SLC25A24: variants seen among roughly 807,000 people sequenced by gnomAD.
SLC25A24 encodes the protein solute carrier family 25 member 24.
SLC25A24 carries 49 observed loss-of-function variants against 60.7 expected under a neutral mutation model. The ratio of observed to expected loss-of-function variants is 0.81; its 90% CI spans 0.64 to 1.02. The LOEUF is 1.02. Among genes scored for constraint, SLC25A24 ranks in the 50% least tolerant of loss-of-function variants. The pLI is 0.00. For missense variants in SLC25A24, 564 were observed against 586.3 expected, an observed-to-expected ratio of 0.96 and a Z score of 0.39; for synonymous variants, 202 against 200.6, an observed-to-expected ratio of 1.01 and a Z score of -0.06.
chr1:108,156,908 A>G (rs1440842421), intron 5 of SLC25A24, among the ~76,000 whole-genome samples: 1 of 152,204 alleles, frequency 6.6e-6, no homozygotes, highest in East Asian at 1.9e-4. Flanking sequence ...TAAAATACCT[A>G]CTTCACTGGG....
intron 3 of SLC25A24, among the ~76,000 whole-genome samples, chr1:108,172,393 T>G (rs1647494511): frequency 6.6e-6 from 1 of 152,180 alleles, no homozygotes; most frequent in African/African-American, 2.4e-5. Context: ...TGGCTCACAG[T>G]TCTACAGACT....
At chr1:108,140,439 C>A (rs1452940896) in intron 8 of SLC25A24, among the ~76,000 whole-genome samples, 1 of 151,828 alleles carries the variant, frequency 6.6e-6, no homozygotes, top group Non-Finnish European at 1.5e-5. Context: ...CACAAAACCA[C>A]AAAATATGAA....
At chr1:108,154,814 C>A (rs1679850016) in intron 6 of SLC25A24, among the ~76,000 whole-genome samples, 169 bp downstream of exon 6, 1 of 151,966 alleles carries the variant, frequency 6.6e-6, no homozygotes, top group South Asian at 2.1e-4. Context: ...CATGAGAAAT[C>A]TCTGATTTTA....
At chr1:108,192,231 G>A (rs1028160405) in intron 1 of SLC25A24, among the ~76,000 whole-genome samples, 15 of 139,368 alleles carry the variant, frequency 1.1e-4, no homozygotes, top group African/African-American at 3.7e-4. Context: ...TGACTCCTAA[G>A]ACAAGGCTGT....
intron 1 of SLC25A24, among the ~76,000 whole-genome samples, chr1:108,196,742 G>C (rs1648507860): frequency 6.6e-6 from 1 of 152,154 alleles, no homozygotes; most frequent in Non-Finnish European, 1.5e-5. Flanking sequence ...CATGGTGGAA[G>C]GGGCAAGGAA....
chr1:108,136,773 TTC>T lies in SLC25A24; in HGVS notation c.1312_1313del (p.Glu438ArgfsTer28). 1.2e-6 allele frequency: 2 copies of T among 1,614,162 alleles called. No individual in the cohort carries two copies. Among genetic ancestry groups the T allele is most frequent in the South Asian group, 2.2e-5 (2 of 91,088 alleles). ...TGCCTCTGTAAAGTCCTGGTATTCCTTCTTTGGAAATAATTCGTCGAAAGAGG... is the reference window on the plus strand; with the variant it reads ...TGCCTCTGTAAAGTCCTGGTATTCCTTTTGGAAATAATTCGTCGAAAGAGG... ...VGLFRRIISK[E>X]GIPGLYRGIT... On this transcript the variant is annotated frameshift_variant, in exon 10 of 10. Transcript: ENST00000565488. LOFTEE classifies it high-confidence loss of function.
At chr1:108,180,235 C>T (rs568189168) in intron 3 of SLC25A24, among the ~76,000 whole-genome samples, 69 of 151,954 alleles carry the variant, frequency 4.5e-4, no homozygotes, top group African/African-American at 6.8e-4. Flanking sequence ...CGTGGTGGCG[C>T]GTGCCTATAG....
chr1:108,165,969 A>G (rs1377670274), intron 3 of SLC25A24, among the ~76,000 whole-genome samples: 2 of 150,670 alleles, frequency 1.3e-5, no homozygotes, highest in African/African-American at 4.9e-5. Context: ...TCCTTCAGGA[A>G]CTCTTTTAGG....
intron 8 of SLC25A24, among the ~76,000 whole-genome samples, chr1:108,139,900 C>T (rs1431223424): frequency 6.6e-6 from 1 of 152,118 alleles, no homozygotes; most frequent in African/African-American, 2.4e-5. Context: ...GCATGAGCCA[C>T]CACACCAGGC....
chr1:108,192,764 A>G lies in SLC25A24; in HGVS notation c.184-6810T>C. On this transcript the variant is annotated intron_variant, in intron 1 of 9. Coordinates refer to ENST00000565488, the MANE Select transcript of SLC25A24 (RefSeq NM_013386.5). ...CATCCTCCTCAGGGGCGCCAAACAC[A>G]ATGCACCTTCATCGGTTAAAGCTCT... The G allele has an allele frequency of 1.5e-6, 2 of 1,346,188 alleles. 1 individual carries two copies. Among genetic ancestry groups the G allele is most frequent in the South Asian group, 3.3e-5 (2 of 60,158 alleles). 83.4% of individuals were successfully genotyped at this position (1,346,188 alleles called of 1,614,324 possible).
chr1:108,197,706 C>G (rs774009273), intron 1 of SLC25A24, among the ~76,000 whole-genome samples: 1 of 152,202 alleles, frequency 6.6e-6, no homozygotes, highest in Non-Finnish European at 1.5e-5. Context: ...AATCAGTAAA[C>G]CAATTAAAGA....
At chr1:108,180,428 C>T (rs1372648067) in intron 3 of SLC25A24, among the ~76,000 whole-genome samples, 1 of 152,036 alleles carries the variant, frequency 6.6e-6, no homozygotes, top group Non-Finnish European at 1.5e-5. Context: ...TTTTAAATAT[C>T]CAACCCTCTG....
chr1:108,149,381 G>A (rs1277529777), intron 6 of SLC25A24, among the ~76,000 whole-genome samples: 2 of 152,140 alleles, frequency 1.3e-5, no homozygotes, highest in African/African-American at 2.4e-5. Flanking sequence ...GAACTCCAGA[G>A]CCACGTGGCC....
rs374820142 is a variant in SLC25A24, at chr1:108,155,017, G to A, written c.788C>T (p.Pro263Leu). Residue 263 changes from proline to leucine, a missense_variant, in exon 6 of 10, where the codon CCT (proline) becomes CTT (leucine). Physicochemically the swap from Pro to Leu is moderately conservative, Grantham distance 98. Transcript: ENST00000565488. ...GNGTNVIKIA[P>L]ETAVKFWAYE... Reference sequence around the variant, plus strand: ...TGCCCAGAATTTAACAGCTGTCTCAGGAGCAATTTTGATGACGTTTGTACC... The same window carrying A: ...TGCCCAGAATTTAACAGCTGTCTCAAGAGCAATTTTGATGACGTTTGTACC... The A allele has an allele frequency of 3.1e-6, 5 of 1,608,540 alleles. No individual in the cohort carries two copies. The highest frequency in any genetic ancestry group is 4.2e-6 in the Non-Finnish European group (5 of 1,177,516).
At chr1:108,165,897 T>C (rs569192763) in intron 3 of SLC25A24, among the ~76,000 whole-genome samples, 1 of 152,362 alleles carries the variant, frequency 6.6e-6, no homozygotes, top group South Asian at 2.1e-4. Context: ...CTCGACGGTC[T>C]TTACATTTTG....
At chr1:108,146,151 G>A (rs893050841) in intron 7 of SLC25A24, among the ~76,000 whole-genome samples, 2 of 151,998 alleles carry the variant, frequency 1.3e-5, no homozygotes, top group Non-Finnish European at 1.5e-5. Flanking sequence ...GTTGTATTCC[G>A]AGGTATTTTA....
intron 1 of SLC25A24, 127 bp downstream of exon 1, chr1:108,199,829 G>T: frequency 1.4e-6 from 1 of 728,818 alleles, no homozygotes; most frequent in Non-Finnish European, 2.2e-6. Flanking sequence ...CCACCGGAGC[G>T]CTGGGCGCCA....
Position 108,200,231 on chromosome 1 carries a change from G to T in SLC25A24, c.-93C>A. On this transcript the variant is annotated 5_prime_UTR_variant, in exon 1 of 10. Transcript: ENST00000565488. ...GGACCAGCGCGAGGCCGGGCTGGGCGGGGCGCGCGGCGCAACAGCGTTTGG... is the reference window on the plus strand; with the variant it reads ...GGACCAGCGCGAGGCCGGGCTGGGCTGGGCGCGCGGCGCAACAGCGTTTGG... 1 of 1,273,034 alleles carries T rather than the reference G, an allele frequency of 7.9e-7. No homozygotes were observed. The highest frequency in any genetic ancestry group is 1.6e-5 in the African/African-American group (1 of 63,184). The allele number at this position is 1,273,034 out of a possible 1,614,324, so 78.9% of individuals were successfully genotyped here.
At chr1:108,166,527 G>C (rs1419404387) in intron 3 of SLC25A24, among the ~76,000 whole-genome samples, 2 of 150,946 alleles carry the variant, frequency 1.3e-5, no homozygotes, top group Non-Finnish European at 3.0e-5. Flanking sequence ...TTCCCTTCTC[G>C]CTTCATTTCA....
Sources: gnomAD v4.1 joint callset for allele counts (sites outside exome capture counted in the v4.1 genomes callset) on GRCh38, gnomAD v4.1.1 for gene constraint, MANE v1.5 for transcripts, NCBI Gene and HGNC (gene_info 2026-07-23, HGNC 2026-07-21) for gene names.